WDFY4: variants seen among roughly 807,000 people sequenced by gnomAD.
WDFY4 encodes the protein WDFY family member 4.
In WDFY4, 169 loss-of-function variants were observed where a neutral mutation model predicts 351.9. That is an observed-to-expected ratio of 0.48 (90% CI 0.42 to 0.55). The LOEUF (loss-of-function observed/expected upper bound fraction) is 0.55. WDFY4 is among the 20% of genes least tolerant of loss of function. WDFY4 has a pLI of 0.00. For synonymous variants in WDFY4, 1,622 were observed against 1,574.6 expected (o/e 1.03, Z -0.71); for missense variants, 3,803 against 3,935.6 (o/e 0.97, Z 0.90).
chr10:48,758,605 T>C (rs531011166), intron 12 of WDFY4, among the ~76,000 whole-genome samples: 15 of 152,312 alleles, frequency 9.8e-5, no homozygotes, highest in East Asian at 3.9e-4. Context: ...TTTTTAGTAA[T>C]CTTTTTCCTT....
intron 12 of WDFY4, among the ~76,000 whole-genome samples, chr10:48,758,393 A>AT (rs915284558): frequency 3.9e-5 from 6 of 151,940 alleles, no homozygotes; most frequent in East Asian, 1.9e-4. Context: ...TCTGGGCATA[A>AT]TTTTTTTTGT....
At chr10:48,855,480 T>C (rs1415716731) in intron 39 of WDFY4, among the ~76,000 whole-genome samples, 2 of 152,292 alleles carry the variant, frequency 1.3e-5, no homozygotes, top group East Asian at 3.9e-4. Flanking sequence ...TAGTAGTGGT[T>C]CATTTGTTTT....
intron 51 of WDFY4, among the ~76,000 whole-genome samples, chr10:48,953,302 G>C (rs1169742456): frequency 7.9e-6 from 1 of 125,912 alleles, no homozygotes; most frequent in Non-Finnish European, 1.6e-5. Context: ...CATGAGATAT[G>C]TCTCTCTCTC....
In WDFY4 at chr10:48,760,385, T is replaced by G; in HGVS notation, c.2498T>G (p.Val833Gly). 1 of 1,551,578 alleles carries G rather than the reference T, an allele frequency of 6.4e-7. No individual in the cohort carries two copies. The highest frequency in any genetic ancestry group is 1.2e-5 in the South Asian group (1 of 84,040). Reference sequence around the variant, plus strand: ...GATGCTGCAATCATGCATCCCGGGGTCGTGTGCATCATGGTGAGGCTGCTG... The same window carrying G: ...GATGCTGCAATCATGCATCCCGGGGGCGTGTGCATCATGGTGAGGCTGCTG... ...EGDAAIMHPG[V>G]VCIMVRLLPR... The change falls in exon 13 of 62, where the codon GTC becomes GGC. Residue 833 changes from valine to glycine, a missense_variant. By Grantham distance (109) the Val-to-Gly change is moderately radical. Transcript: ENST00000325239.
At chr10:48,902,829 G>A (rs749169572) in intron 47 of WDFY4, among the ~76,000 whole-genome samples, 1 of 152,102 alleles carries the variant, frequency 6.6e-6, no homozygotes, top group African/African-American at 2.4e-5. Flanking sequence ...TTAATACTTG[G>A]CCGGGCGTGG....
chr10:48,888,297 TTTCC>T (rs904936262), intron 43 of WDFY4, among the ~76,000 whole-genome samples: 90 of 106,920 alleles, frequency 8.4e-4, no homozygotes, highest in African/African-American at 2.6e-3. Context: ...TCCCTCCCTC[TTTCC>T]TTCCTTCCTT....
intron 18 of WDFY4, among the ~76,000 whole-genome samples, chr10:48,779,236 T>C (rs958654813): frequency 6.6e-5 from 10 of 152,220 alleles, no homozygotes; most frequent in African/African-American, 2.2e-4. Context: ...GCTACAGACA[T>C]ATAGGCGCTC....
At chr10:48,872,129 C>T (rs903004316) in intron 40 of WDFY4, among the ~76,000 whole-genome samples, 2 of 152,190 alleles carry the variant, frequency 1.3e-5, no homozygotes, top group African/African-American at 4.8e-5. Context: ...GGCACTATCC[C>T]CCACCCCAAA....
intron 1 of WDFY4, among the ~76,000 whole-genome samples, chr10:48,707,444 G>A (rs770253197): frequency 1.2e-4 from 18 of 152,186 alleles, no homozygotes; most frequent in Non-Finnish European, 2.1e-4. Flanking sequence ...AGTCATGAAA[G>A]CCCAGTGAAG....
At chr10:48,815,260 G>A (rs1195099077) in intron 31 of WDFY4, among the ~76,000 whole-genome samples, 1 of 152,156 alleles carries the variant, frequency 6.6e-6, no homozygotes, top group East Asian at 1.9e-4. Context: ...ACTGATGATG[G>A]CTTCATAGTT....
intron 12 of WDFY4, among the ~76,000 whole-genome samples, chr10:48,757,335 A>G (rs2065367394): frequency 6.6e-6 from 1 of 152,006 alleles, no homozygotes; most frequent in African/African-American, 2.4e-5. Context: ...CACGTTTTGA[A>G]TTGTTATGTC....
intron 32 of WDFY4, among the ~76,000 whole-genome samples, chr10:48,818,304 C>T (rs1007037553): frequency 3.9e-5 from 6 of 152,188 alleles, no homozygotes; most frequent in Non-Finnish European, 7.3e-5. Flanking sequence ...TGATGCCAGG[C>T]CTGGAGTGGT....
chr10:48,963,700 G>A, intron 53 of WDFY4, 142 bp from the exon 54 acceptor site: 1 of 935,686 alleles, frequency 1.1e-6, no homozygotes, highest in South Asian at 1.7e-5. Flanking sequence ...GCCTCTTTGT[G>A]CTCATCAAGC....
At chr10:48,772,868 A>T (rs2132605421) in intron 13 of WDFY4, among the ~76,000 whole-genome samples, 1 of 151,258 alleles carries the variant, frequency 6.6e-6, no homozygotes, top group Middle Eastern at 3.4e-3. Context: ...CCTACAAAGG[A>T]CATGAACTCA....
intron 12 of WDFY4, among the ~76,000 whole-genome samples, chr10:48,746,314 G>A (rs896408809): frequency 6.6e-6 from 1 of 152,094 alleles, no homozygotes; most frequent in African/African-American, 2.4e-5. Context: ...ATCATTATAT[G>A]GTGAACTTTT....
At chr10:48,851,699 T>TTA (rs2068963056) in intron 39 of WDFY4, among the ~76,000 whole-genome samples, 1 of 152,258 alleles carries the variant, frequency 6.6e-6, no homozygotes, top group African/African-American at 2.4e-5. Flanking sequence ...ATGACTGTCA[T>TTA]CAGTGGTTAG....
intron 20 of WDFY4, among the ~76,000 whole-genome samples, chr10:48,787,935 T>TCTTCTTCTC (rs1565198982): frequency 1.6e-4 from 15 of 96,466 alleles, no homozygotes; most frequent in Non-Finnish European, 1.4e-4. Context: ...TTCTTCTTCT[T>TCTTCTTCTC]CTTCTTCTTC....
Position 48,817,252 on chromosome 10 carries a change from C to T in WDFY4, c.5348C>T (p.Ala1783Val), listed in dbSNP as rs1185393721. The T allele has an allele frequency of 1.3e-6, 2 of 1,551,540 alleles. No homozygotes were observed. The highest frequency in any genetic ancestry group is 2.0e-5 in the Admixed American group (1 of 50,994). Residue 1783 changes from alanine to valine, a missense_variant, in exon 32 of 62, where the codon GCA (alanine) becomes GTA (valine). This residue lies in a region of WDFY4 where 3,054 missense variants were observed against 3,148.6 expected (regional missense o/e 0.97). Transcript: ENST00000325239. Reference protein sequence around the residue: ...MLKATMSQPLAGSEDGAWAQT... With the variant: ...MLKATMSQPLVGSEDGAWAQT... ...TCACCAAGTGTGCCTCAGCCCCTGG[C>T]AGGTTCTGAGGATGGTGCCTGGGCA...
chr10:48,828,694 G>T (rs941758453), intron 36 of WDFY4, 84 bp from the exon 37 acceptor site: 4 of 785,938 alleles, frequency 5.1e-6, no homozygotes, highest in Admixed American at 6.8e-5. Flanking sequence ...ATTGGAGGAT[G>T]ATTATTTGTA....
Sources: allele counts gnomAD v4.1 joint callset (sites outside exome capture counted in the v4.1 genomes callset), GRCh38; gene constraint gnomAD v4.1.1; regional missense constraint gnomAD v4.1.1; transcripts MANE v1.5; gene names NCBI Gene and HGNC (gene_info 2026-07-23, HGNC 2026-07-21).